The following TSPAN7 variants were observed in gnomAD, a reference collection of about 807,000 sequenced individuals.
The protein encoded by TSPAN7 is tetraspanin 7.
In TSPAN7, 1 loss-of-function variant was observed where a neutral mutation model predicts 17.6. The observed-to-expected ratio is 0.06, with a 90% confidence interval of 0.02 to 0.27. The LOEUF is 0.27. TSPAN7 is among the 10% of genes least tolerant of loss of function. TSPAN7 has a pLI of 1.00. For synonymous variants in TSPAN7, 78 were observed against 79.0 expected (o/e 0.99, Z 0.07); for missense variants, 112 against 201.7 (o/e 0.56, Z 2.69).
At chrX:38,651,308 A>G (rs1213767720) in intron 1 of TSPAN7, among the ~76,000 whole-genome samples, 2 of 110,541 alleles carry the variant, frequency 1.8e-5, no homozygotes, top group Admixed American at 1.9e-4. Context: ...TACTAAAAAT[A>G]CAAAAAATTA....
rs201317934 is a variant in TSPAN7, at chrX:38,675,766, A to G, written c.503A>G (p.His168Arg). ...NWSTSPYFLE[H>R]GIPPSCCMNE... is the part of the protein sequence containing the mutation. ...AGCACCAGCCCCTACTTCCTGGAGC[A>G]TGGCATCCCCCCCAGCTGCTGCATG... is the stretch of plus-strand genomic sequence containing the variant. Residue 168 changes from histidine (H) to arginine (R), a missense_variant, in exon 5 of 8, where the codon CAT becomes CGT. Coordinates refer to ENST00000378482, the MANE Select transcript of TSPAN7 (RefSeq NM_004615.4). 3.1e-5 allele frequency: 38 copies of G among 1,208,925 alleles called. No homozygotes were observed. The highest frequency in any genetic ancestry group is 1.8e-5 in the African/African-American group (1 of 56,828).
At chrX:38,575,734 A>AT (rs1448619226) in intron 1 of TSPAN7, among the ~76,000 whole-genome samples, 1 of 112,508 alleles carries the variant, frequency 8.9e-6, no homozygotes, top group East Asian at 2.8e-4. Context: ...TAAAAAATAA[A>AT]TGTGGTTATA....
intron 1 of TSPAN7, chrX:38,646,400 C>T (rs995718412): frequency 1.1e-6 from 1 of 879,769 alleles, no homozygotes; most frequent in African/African-American, 2.0e-5. Flanking sequence ...TGTTTTTACT[C>T]TCCCTGAAGT....
chrX:38,596,679 TC>T (rs918614495), intron 1 of TSPAN7, among the ~76,000 whole-genome samples: 1 of 111,148 alleles, frequency 9.0e-6, no homozygotes, highest in African/African-American at 3.3e-5. Context: ...CCTCAGACCT[TC>T]TGAACCAGAA....
chrX:38,663,417 G>A (rs986753732), intron 1 of TSPAN7, among the ~76,000 whole-genome samples: 1 of 112,026 alleles, frequency 8.9e-6, no homozygotes, highest in East Asian at 2.8e-4. Flanking sequence ...ATGGGAGCAG[G>A]ATGAGTGATA....
chrX:38,678,967 A>G (rs1341437455), intron 5 of TSPAN7, among the ~76,000 whole-genome samples: 6 of 111,743 alleles, frequency 5.4e-5, no homozygotes, highest in South Asian at 3.8e-4. Flanking sequence ...TGCATTTCTA[A>G]CAAGCTCCTA....
chrX:38,645,559 A>AG (rs1028065819), intron 1 of TSPAN7, among the ~76,000 whole-genome samples: 2 of 111,946 alleles, frequency 1.8e-5, no homozygotes, highest in African/African-American at 6.5e-5. Context: ...GAAGGAAAAA[A>AG]AAAAAAGAAA....
chrX:38,663,429 A>G (rs1363171639), intron 1 of TSPAN7, among the ~76,000 whole-genome samples: 1 of 112,109 alleles, frequency 8.9e-6, no homozygotes, highest in East Asian at 2.8e-4. Context: ...TGAGTGATAA[A>G]AGACTACACA....
At chrX:38,669,140 T>C (rs770834510) in intron 2 of TSPAN7, among the ~76,000 whole-genome samples, 2 of 112,037 alleles carry the variant, frequency 1.8e-5, no homozygotes, top group South Asian at 7.5e-4. Flanking sequence ...GTAATGGATA[T>C]GCTAACTACT....
chrX:38,633,368 A>T (rs2069561533), intron 1 of TSPAN7, among the ~76,000 whole-genome samples: 1 of 112,107 alleles, frequency 8.9e-6, no homozygotes, highest in Admixed American at 9.5e-5. Flanking sequence ...GTCCAATAAT[A>T]GAAGCTATAT....
chrX:38,568,892 C>T (rs2069155987), intron 1 of TSPAN7, among the ~76,000 whole-genome samples: 1 of 110,888 alleles, frequency 9.0e-6, no homozygotes. Context: ...TCATTTGTTT[C>T]ATATGTTAAT....
intron 1 of TSPAN7, among the ~76,000 whole-genome samples, chrX:38,626,617 G>A (rs1425145793): frequency 3.6e-5 from 4 of 111,341 alleles, no homozygotes; most frequent in African/African-American, 1.3e-4. Context: ...AGGTTCCAGA[G>A]AGGGCTGGGA....
intron 6 of TSPAN7, 34 bp downstream of exon 6, chrX:38,681,321 C>T: frequency 8.9e-7 from 1 of 1,119,590 alleles, no homozygotes; most frequent in South Asian, 1.8e-5. Flanking sequence ...CCTGGTCTAA[C>T]CTTTCCTCTG....
At chrX:38,666,831 ACCT>A (rs1436698063) in intron 2 of TSPAN7, among the ~76,000 whole-genome samples, 3 of 110,612 alleles carry the variant, frequency 2.7e-5, no homozygotes, top group Non-Finnish European at 5.7e-5. Flanking sequence ...TGATCTCCTG[ACCT>A]CGTGATCCAC....
chrX:38,687,741 G>A (rs1178770060), intron 7 of TSPAN7, 67 bp downstream of exon 7: 1 of 933,782 alleles, frequency 1.1e-6, no homozygotes, highest in African/African-American at 1.9e-5. Context: ...CCCTTCAAAT[G>A]TGCAGGAGTA....
intron 1 of TSPAN7, among the ~76,000 whole-genome samples, chrX:38,610,121 A>AG (rs1297573033): frequency 1.8e-5 from 2 of 111,980 alleles, no homozygotes; most frequent in Non-Finnish European, 3.8e-5. Flanking sequence ...TCCAGCAAAC[A>AG]TTACTAAGAC....
At chrX:38,563,785 T>C (rs958810212) in intron 1 of TSPAN7, among the ~76,000 whole-genome samples, 2 of 111,683 alleles carry the variant, frequency 1.8e-5, no homozygotes, top group Non-Finnish European at 3.8e-5. Context: ...TTTTCAATAG[T>C]TTAAATACCA....
intron 1 of TSPAN7, among the ~76,000 whole-genome samples, chrX:38,593,412 C>T (rs766655543): frequency 9.0e-6 from 1 of 111,217 alleles, no homozygotes; most frequent in East Asian, 2.8e-4. Flanking sequence ...ATGTTTGTTG[C>T]CACTGGAGTG....
intron 1 of TSPAN7, among the ~76,000 whole-genome samples, chrX:38,570,031 G>A (rs1284022667): frequency 1.8e-5 from 2 of 112,014 alleles, no homozygotes; most frequent in Admixed American, 9.4e-5. Flanking sequence ...CTGTAAGGTC[G>A]TCTGGTCATC....
Sources: gnomAD v4.1 joint callset for allele counts (sites outside exome capture counted in the v4.1 genomes callset) on GRCh38, gnomAD v4.1.1 for gene constraint, MANE v1.5 for transcripts, NCBI Gene and HGNC (gene_info 2026-07-23, HGNC 2026-07-21) for gene names.